Variants in MYO1D observed in about 807,000 individuals in gnomAD.
MYO1D encodes the protein myosin ID, also known as unconventional myosin-Id.
In MYO1D, 83 loss-of-function variants were observed where a neutral mutation model predicts 122.0. The observed-to-expected ratio is 0.68, with a 90% CI of 0.57 to 0.82. The LOEUF (loss-of-function observed/expected upper bound fraction) is 0.82. MYO1D is among the 40% of genes least tolerant of loss of function. MYO1D has a pLI of 0.00. For synonymous variants in MYO1D, 464 were observed against 446.9 expected (o/e 1.04, Z -0.48); for missense variants, 1,157 against 1,269.5 (o/e 0.91, Z 1.35).
Position 32,755,551 on chromosome 17 carries a change from T to C in MYO1D, c.1408A>G (p.Met470Val), listed in dbSNP as rs751307299. 2 of 1,613,884 alleles carry C rather than the reference T, an allele frequency of 1.2e-6. No individual in the cohort carries two copies. The highest frequency in any genetic ancestry group is 2.2e-5 in the South Asian group (2 of 91,076). The stretch of plus-strand genomic sequence containing the variant: ...TTACTGTTAAGTGCTTCAAGAAACA[T>C]TTCATCGGTGACTTTGCCGACATTC... ...CMNVGKVTDE[M>V]FLEALNSKLG... The change falls in exon 11 of 22, where the codon ATG becomes GTG. Residue 470 changes from methionine to valine, a missense_variant. Coordinates refer to ENST00000318217, the MANE Select transcript of MYO1D (RefSeq NM_015194.3).
chr17:32,570,915 CAT>C (rs750952312), intron 21 of MYO1D, among the ~76,000 whole-genome samples: 6 of 152,138 alleles, frequency 3.9e-5, no homozygotes, highest in East Asian at 1.9e-4. Flanking sequence ...ACCAAGCACA[CAT>C]GTCTGTTGTC....
At chr17:32,791,190 C>T (rs1241485352) in intron 1 of MYO1D, among the ~76,000 whole-genome samples, 1 of 151,742 alleles carries the variant, frequency 6.6e-6, no homozygotes, top group African/African-American at 2.4e-5. Flanking sequence ...ATGGTGAAAC[C>T]CCATCTCTAC....
intron 21 of MYO1D, among the ~76,000 whole-genome samples, chr17:32,502,690 T>A (rs1445618956): frequency 6.6e-6 from 1 of 152,244 alleles, no homozygotes. Flanking sequence ...CTTGTGCTGA[T>A]CCTGGAGACA....
chr17:32,573,972 C>G (rs1339993305), intron 21 of MYO1D, among the ~76,000 whole-genome samples: 1 of 152,220 alleles, frequency 6.6e-6, no homozygotes, highest in Non-Finnish European at 1.5e-5. Flanking sequence ...CCTGCCTCAG[C>G]CTCCTGCGTA....
chr17:32,757,618 T>C (rs562777197), intron 10 of MYO1D, among the ~76,000 whole-genome samples: 2 of 152,170 alleles, frequency 1.3e-5, no homozygotes, highest in Non-Finnish European at 2.9e-5. Flanking sequence ...ATATTAATAG[T>C]TGACATCTTA....
intron 1 of MYO1D, among the ~76,000 whole-genome samples, chr17:32,789,390 G>T (rs955428386): frequency 8.6e-5 from 13 of 151,856 alleles, no homozygotes; most frequent in African/African-American, 2.7e-4. Flanking sequence ...TCAGTATGAT[G>T]TTGGCTGTGA....
intron 15 of MYO1D, among the ~76,000 whole-genome samples, chr17:32,718,704 A>G (rs999045014): frequency 6.6e-6 from 1 of 151,960 alleles, no homozygotes; most frequent in Non-Finnish European, 1.5e-5. Flanking sequence ...TGTCAAAAAA[A>G]GAAAAAAAAA....
intron 1 of MYO1D, among the ~76,000 whole-genome samples, chr17:32,819,297 A>T (rs1439132168): frequency 1.3e-5 from 2 of 151,676 alleles, no homozygotes; most frequent in African/African-American, 4.9e-5. Flanking sequence ...CTGTGAGGAG[A>T]TAAACAGAGA....
Position 32,659,138 on chromosome 17 carries a change from C to A in MYO1D, c.2322G>T (p.Glu774Asp). Residue 774 changes from glutamate (E) to aspartate (D), a missense_variant, in exon 17 of 22, where the codon GAG becomes GAT. Coordinates refer to ENST00000318217, the MANE Select transcript of MYO1D (RefSeq NM_015194.3). ...ACCTATTGAAAATCGTCTGCAGGGC[C>A]TCCTCAAAACGGCGAAGAACTTTAG... Reference protein sequence around the residue: ...SPPKVLRRFEEALQTIFNRWR... With the variant: ...SPPKVLRRFEDALQTIFNRWR... 6.2e-7 allele frequency: 1 copy of A among 1,614,166 alleles called. No homozygotes were observed. Among genetic ancestry groups the A allele is most frequent in the East Asian group, 2.2e-5 (1 of 44,880 alleles).
chr17:32,561,354 CTTT>C (rs71144841), intron 21 of MYO1D, among the ~76,000 whole-genome samples: 1 of 150,682 alleles, frequency 6.6e-6, no homozygotes, highest in Middle Eastern at 3.4e-3. Flanking sequence ...CAACTCTCTC[CTTT>C]TTTTTTAATT....
At chr17:32,502,687 T>C (rs1411743812) in intron 21 of MYO1D, among the ~76,000 whole-genome samples, 3 of 152,254 alleles carry the variant, frequency 2.0e-5, no homozygotes, top group Admixed American at 2.0e-4. Flanking sequence ...TTTCTTGTGC[T>C]GATCCTGGAG....
intron 1 of MYO1D, among the ~76,000 whole-genome samples, chr17:32,814,276 G>A (rs539748814): frequency 5.3e-5 from 8 of 152,260 alleles, no homozygotes; most frequent in Non-Finnish European, 8.8e-5. Context: ...CCCGGGAGGC[G>A]GAGGTTGCAG....
At chr17:32,533,044 T>C (rs1256438992) in intron 21 of MYO1D, among the ~76,000 whole-genome samples, 1 of 152,154 alleles carries the variant, frequency 6.6e-6, no homozygotes, top group Non-Finnish European at 1.5e-5. Context: ...AGGCACAGCG[T>C]GTTCTGGTCT....
At chr17:32,613,789 C>CAAAAAAAAAAAAAAAAAAAAAAAAA (rs60701225) in intron 20 of MYO1D, among the ~76,000 whole-genome samples, 1 of 51,042 alleles carries the variant, frequency 2.0e-5, no homozygotes, top group Non-Finnish European at 3.3e-5. Flanking sequence ...GATTCCATCT[C>CAAAAAAAAAAAAAAAAAAAAAAAAA]AAAAAAAAAA....
At chr17:32,649,904 G>A (rs913801316) in intron 19 of MYO1D, among the ~76,000 whole-genome samples, 6 of 152,034 alleles carry the variant, frequency 3.9e-5, no homozygotes, top group East Asian at 1.9e-4. Context: ...TTCATCCATC[G>A]ATGGACATTT....
chr17:32,846,530 T>C (rs1489273203), intron 1 of MYO1D, among the ~76,000 whole-genome samples: 3 of 152,142 alleles, frequency 2.0e-5, no homozygotes, highest in South Asian at 4.1e-4. Flanking sequence ...CAATCTGAAA[T>C]AGAAATACAT....
chr17:32,862,579 A>G (rs2091087100), intron 1 of MYO1D, among the ~76,000 whole-genome samples: 1 of 152,246 alleles, frequency 6.6e-6, no homozygotes, highest in Non-Finnish European at 1.5e-5. Flanking sequence ...GGAGGGTGGG[A>G]TTATACAGTT....
chr17:32,527,769 G>C (rs907086689), intron 21 of MYO1D, among the ~76,000 whole-genome samples: 2 of 152,032 alleles, frequency 1.3e-5, no homozygotes, highest in Non-Finnish European at 2.9e-5. Flanking sequence ...CTGCATTCCA[G>C]CCTGGGCAAC....
rs1555623744 is a variant in MYO1D, at chr17:32,538,297, T to TTA, written c.2865-43383_2865-43382insTA. On this transcript the variant is annotated intron_variant, in intron 21 of 21. Coordinates refer to ENST00000318217, the MANE Select transcript of MYO1D (RefSeq NM_015194.3). ...AATAAATCATCTTTTTTTTTTTTTT[T>TTA]AGAGACAGGGTCTAGCTCTGTTGCT... 2.8e-4 allele frequency among the ~76,000 whole-genome samples: 37 copies of TTA among 132,046 alleles called. No homozygotes were observed. The Middle Eastern group carries it at 0.012, about 42-fold the overall frequency. 86.6% of individuals were successfully genotyped at this position (132,046 alleles called of 152,430 possible). A position where few individuals can be genotyped will look rare whatever the true frequency, so the allele number is the denominator to read the frequency against.
Sources: gnomAD v4.1 joint callset for allele counts (sites outside exome capture counted in the v4.1 genomes callset) on GRCh38, gnomAD v4.1.1 for gene constraint, MANE v1.5 for transcripts, NCBI Gene and HGNC (gene_info 2026-07-23, HGNC 2026-07-21) for gene names.